The following ABLIM1 variants were observed in gnomAD, a reference collection of about 807,000 sequenced individuals.
The protein encoded by ABLIM1 is actin binding LIM protein 1, also known as actin-binding LIM protein 1.
Under a neutral mutation model 107.0 loss-of-function variants are expected in ABLIM1, and 40 were observed. The ratio of observed to expected loss-of-function variants is 0.37; its 90% confidence interval spans 0.29 to 0.49. ABLIM1 has a LOEUF of 0.49. Among genes scored for constraint, ABLIM1 ranks in the 20% least tolerant of loss-of-function variants. The pLI, the probability that ABLIM1 is intolerant of heterozygous loss-of-function variation, is 0.97. For missense variants in ABLIM1, 857 were observed against 1,008.5 expected (o/e 0.85, Z 2.04); for synonymous variants, 357 against 357.3 (o/e 1.00, Z 0.01).
At chr10:114,438,088 T>C (rs2059681317) in intron 21 of ABLIM1, among the ~76,000 whole-genome samples, 164 bp from the exon 22 acceptor site, 1 of 152,168 alleles carries the variant, frequency 6.6e-6, no homozygotes, top group East Asian at 1.9e-4. Context: ...AAGCTCCAGT[T>C]TCCAGGGGAC....
At chr10:114,485,494 G>A in intron 8 of ABLIM1, 1 of 903,596 alleles carries the variant, frequency 1.1e-6, no homozygotes, top group Non-Finnish European at 1.6e-6. Flanking sequence ...ACTAACTTGA[G>A]AGTAAACATC....
At chr10:114,789,031 C>T in the ABLIM1 span, among the ~76,000 whole-genome samples, 87,302 of 151,836 alleles carry the variant, frequency 0.57, 25,522 homozygotes, top group Non-Finnish European at 0.64. Context: ...CCGAGGTGGG[C>T]GGATCACGAG....
the ABLIM1 span, among the ~76,000 whole-genome samples, chr10:114,790,928 G>T: frequency 1.1e-4 from 17 of 152,034 alleles, no homozygotes; most frequent in Non-Finnish European, 2.4e-4. Context: ...ACATGTATTT[G>T]TAAATGCATT....
chr10:114,698,065 C>CA (rs529317237), intron 1 of ABLIM1, among the ~76,000 whole-genome samples: 249 of 150,752 alleles, frequency 1.7e-3, no homozygotes, highest in African/African-American at 4.8e-3. Context: ...TAACATATAC[C>CA]AAAAAAAAGA....
chr10:114,522,259 T>C (rs1238452360), intron 6 of ABLIM1, among the ~76,000 whole-genome samples: 1 of 152,236 alleles, frequency 6.6e-6, no homozygotes, highest in Non-Finnish European at 1.5e-5. Context: ...GTTTTCCTCA[T>C]GCTTTAGAAC....
At chr10:114,457,570 C>T (rs2063058713) in intron 12 of ABLIM1, among the ~76,000 whole-genome samples, 1 of 152,226 alleles carries the variant, frequency 6.6e-6, no homozygotes, top group South Asian at 2.1e-4. Flanking sequence ...TGCACCTGGC[C>T]AATACCCTAT....
intron 12 of ABLIM1, among the ~76,000 whole-genome samples, chr10:114,457,856 G>A (rs946098290): frequency 2.6e-5 from 4 of 152,196 alleles, no homozygotes; most frequent in Non-Finnish European, 5.9e-5. Context: ...TGAATTATTT[G>A]AGGTCAGGAG....
At chr10:114,575,962 C>T (rs977865446) in intron 2 of ABLIM1, among the ~76,000 whole-genome samples, 1 of 152,194 alleles carries the variant, frequency 6.6e-6, no homozygotes, top group Non-Finnish European at 1.5e-5. Flanking sequence ...GCCCACACAA[C>T]CACATGGTTT....
rs550657249 is a variant in ABLIM1, at chr10:114,499,458, C to G, written c.895-7580G>C. On this transcript the variant is annotated intron_variant, in intron 6 of 22. Transcript: ENST00000533213. ...GTCCCTAAGACTCTCCCAAACACAGCTCTGGTGGATGGTGATTTCAGACTA... is the reference window on the plus strand; with the variant it reads ...GTCCCTAAGACTCTCCCAAACACAGGTCTGGTGGATGGTGATTTCAGACTA... Among the ~76,000 whole-genome samples the G allele has an allele frequency of 2.6e-5, 4 of 152,308 alleles. No homozygotes were observed. In the South Asian group the frequency reaches 8.3e-4, roughly 32 times the overall value.
At chr10:114,625,351 C>A (rs1008316385) in intron 1 of ABLIM1, among the ~76,000 whole-genome samples, 3 of 152,144 alleles carry the variant, frequency 2.0e-5, no homozygotes, top group Non-Finnish European at 4.4e-5. Context: ...CACCAGGCAG[C>A]GTGCATGCAT....
At chr10:114,656,576 G>A (rs929557992) in intron 1 of ABLIM1, among the ~76,000 whole-genome samples, 4 of 151,818 alleles carry the variant, frequency 2.6e-5, no homozygotes, top group Non-Finnish European at 5.9e-5. Context: ...TATGACATTG[G>A]CACATTACCC....
At chr10:114,519,305 AT>A (rs1455171471) in intron 6 of ABLIM1, among the ~76,000 whole-genome samples, 4 of 152,114 alleles carry the variant, frequency 2.6e-5, no homozygotes, top group Non-Finnish European at 5.9e-5. Flanking sequence ...TGCTAATGAT[AT>A]TTCTGGGAGT....
chr10:114,769,613 G>T (rs2082998623), upstream of ABLIM1, among the ~76,000 whole-genome samples: 1 of 151,990 alleles, frequency 6.6e-6, no homozygotes, highest in African/African-American at 2.4e-5. Flanking sequence ...TTTCTATGTT[G>T]GCACTGCCCA....
chr10:114,432,488 T>C lies in ABLIM1; in HGVS notation c.*3772A>G, dbSNP rs538869961. 6.6e-6 allele frequency: 1 copy of C among 152,334 alleles called. No homozygotes were observed. The highest frequency in any genetic ancestry group is 2.4e-5 in the African/African-American group (1 of 41,578). 9.4% of individuals were successfully genotyped at this position (152,334 alleles called of 1,614,324 possible). A position where few individuals can be genotyped will look rare whatever the true frequency, so the allele number is the denominator to read the frequency against. The stretch of plus-strand genomic sequence containing the variant: ...TTAGAAAGACTTACCTAGTCAAAAG[T>C]GGTTAATTTGAACTTTTCAAACTTG... On this transcript the variant is annotated 3_prime_UTR_variant, in exon 23 of 23. Transcript: ENST00000533213.
intron 2 of ABLIM1, among the ~76,000 whole-genome samples, chr10:114,601,304 G>A (rs960663164): frequency 1.4e-5 from 2 of 144,346 alleles, no homozygotes; most frequent in Admixed American, 7.0e-5. Flanking sequence ...CACTCTTGTT[G>A]CTCAGGCTGG....
At position 114,467,781 on chromosome 10, in the gene ABLIM1, C is replaced by A. The variant is rs75361686; in HGVS notation, c.1311+400G>T. Among the ~76,000 whole-genome samples, 12 of 152,264 alleles carry A rather than the reference C, an allele frequency of 7.9e-5. No individual in the cohort carries two copies. The East Asian group carries it at 2.1e-3, about 27-fold the overall frequency. ...ATTGATTTCAGACTAAACAGAGTAA[C>A]CTCCCATCAAGATGGCTCTGCTTAT... is the stretch of plus-strand genomic sequence containing the variant. On this transcript the variant is annotated intron_variant, in intron 11 of 22. Coordinates refer to ENST00000533213, the MANE Select transcript of ABLIM1 (RefSeq NM_002313.7).
chr10:114,636,459 C>T (rs1174122674), intron 1 of ABLIM1, among the ~76,000 whole-genome samples: 2 of 152,192 alleles, frequency 1.3e-5, no homozygotes, highest in Non-Finnish European at 2.9e-5. Flanking sequence ...AACCATATTG[C>T]CTCCTGCCTC....
chr10:114,771,443 T>C (rs7082089), upstream of ABLIM1, among the ~76,000 whole-genome samples: 2 of 152,230 alleles, frequency 1.3e-5, no homozygotes, highest in African/African-American at 4.8e-5. Flanking sequence ...GGTTTCCCTA[T>C]GTATTTAGCT....
At chr10:114,799,904 T>A in the ABLIM1 span, among the ~76,000 whole-genome samples, 2 of 152,128 alleles carry the variant, frequency 1.3e-5, no homozygotes, top group African/African-American at 2.4e-5. Flanking sequence ...GCCTCCTGAG[T>A]AGCTGGGAAT....
Sources: gnomAD v4.1 joint callset for allele counts (sites outside exome capture counted in the v4.1 genomes callset) on GRCh38, gnomAD v4.1.1 for gene constraint, MANE v1.5 for transcripts, NCBI Gene and HGNC (gene_info 2026-07-23, HGNC 2026-07-21) for gene names.